The following SYCP1 variants were observed in gnomAD, a reference collection of about 807,000 sequenced individuals.
SYCP1 encodes cancer/testis antigen 8.
Under a neutral mutation model 153.1 loss-of-function variants are expected in SYCP1, and 64 were observed. The observed-to-expected ratio is 0.42, with a 90% CI of 0.34 to 0.51. The LOEUF (loss-of-function observed/expected upper bound fraction) is 0.51. Ranked by LOEUF, SYCP1 falls within the 20% of genes least tolerant of loss-of-function variation. SYCP1 has a pLI of 0.06. For missense variants in SYCP1, 997 were observed against 1,049.0 expected (o/e 0.95, Z 0.68); for synonymous variants, 384 against 341.8 (o/e 1.12, Z -1.36).
At chr1:114,950,801 A>G (rs1179494754) in intron 27 of SYCP1, among the ~76,000 whole-genome samples, 3 of 151,660 alleles carry the variant, frequency 2.0e-5, no homozygotes, top group Non-Finnish European at 2.9e-5. Context: ...ACATATATAC[A>G]TAATTATGTT....
intron 6 of SYCP1, among the ~76,000 whole-genome samples, chr1:114,859,058 A>C (rs1664201428): frequency 6.6e-6 from 1 of 152,112 alleles, no homozygotes; most frequent in Non-Finnish European, 1.5e-5. Context: ...TGTAGGTAAC[A>C]CTTTAAATTT....
Position 114,944,382 on chromosome 1 carries a change from T to G in SYCP1, c.1970T>G (p.Phe657Cys). ...ELELESAKQKFGEITDTYQKE... is the reference protein window; with the variant it reads ...ELELESAKQKCGEITDTYQKE... ...GAACTAGAAAGTGCCAAACAGAAAT[T>G]TGGAGAAATCACAGACACCTATCAG... The change falls in exon 24 of 32, where the codon TTT (phenylalanine) becomes TGT (cysteine). Residue 657 changes from phenylalanine (F) to cysteine (C), a missense_variant. By Grantham distance (205) the Phe-to-Cys change is radical. Coordinates refer to ENST00000369522, the MANE Select transcript of SYCP1 (RefSeq NM_003176.4). 6.2e-7 allele frequency: 1 copy of G among 1,606,468 alleles called. No individual in the cohort carries two copies. Among genetic ancestry groups the G allele is most frequent in the African/African-American group, 1.3e-5 (1 of 74,654 alleles).
intron 29 of SYCP1, among the ~76,000 whole-genome samples, chr1:114,984,372 TA>T (rs1484616321): frequency 6.6e-6 from 1 of 152,128 alleles, no homozygotes; most frequent in African/African-American, 2.4e-5. Flanking sequence ...CTCACTCAGT[TA>T]TTTTTTTCGA....
intron 12 of SYCP1, 125 bp from the exon 13 acceptor site, chr1:114,885,410 A>G (rs1262456563): frequency 3.6e-6 from 2 of 554,052 alleles, no homozygotes; most frequent in South Asian, 2.3e-5. Context: ...CTATATTTGC[A>G]TATTTTCTTC....
intron 20 of SYCP1, 92 bp downstream of exon 20, chr1:114,914,137 C>T: frequency 1.1e-6 from 1 of 928,332 alleles, no homozygotes; most frequent in Non-Finnish European, 1.6e-6. Context: ...AATTGGACTG[C>T]TGTTGAATAT....
chr1:114,985,796 A>G (rs1175123631), intron 30 of SYCP1, among the ~76,000 whole-genome samples: 1 of 151,864 alleles, frequency 6.6e-6, no homozygotes, highest in African/African-American at 2.4e-5. Context: ...ACTTTATACA[A>G]CGAAGATTAC....
intron 10 of SYCP1, 49 bp from the exon 11 acceptor site, chr1:114,876,688 T>A (rs920904238): frequency 4.1e-6 from 4 of 981,788 alleles, no homozygotes; most frequent in Non-Finnish European, 5.6e-6. Flanking sequence ...AATAGAAATG[T>A]TATAAAATTA....
chr1:114,969,296 A>G (rs1405263916), intron 27 of SYCP1, among the ~76,000 whole-genome samples: 4 of 152,076 alleles, frequency 2.6e-5, no homozygotes, highest in Non-Finnish European at 5.9e-5. Context: ...CCCTTCCCCC[A>G]GGTGCTTTGT....
intron 27 of SYCP1, among the ~76,000 whole-genome samples, chr1:114,953,519 A>G (rs527933008): frequency 7.6e-4 from 115 of 152,284 alleles, no homozygotes; most frequent in South Asian, 2.1e-3. Flanking sequence ...TTTTTTGCCT[A>G]TGGATCTCAG....
chr1:114,931,624 G>A (rs974875532), intron 23 of SYCP1, among the ~76,000 whole-genome samples: 1 of 152,118 alleles, frequency 6.6e-6, no homozygotes, highest in African/African-American at 2.4e-5. Context: ...CTGATTGGAT[G>A]TTTTAATGTT....
At chr1:114,929,395 G>A (rs1228712387) in intron 23 of SYCP1, among the ~76,000 whole-genome samples, 1 of 151,564 alleles carries the variant, frequency 6.6e-6, no homozygotes, top group Admixed American at 6.6e-5. Context: ...TTAATAAAAA[G>A]GCAGAAATGG....
Position 114,970,052 on chromosome 1 carries a change from G to A in SYCP1, c.2323-7505G>A, listed in dbSNP as rs111523145. Among the ~76,000 whole-genome samples the A allele has an allele frequency of 3.0e-3, 456 of 152,268 alleles. 1 individual carries two copies. Among genetic ancestry groups the A allele is most frequent in the Middle Eastern group, 6.8e-3 (2 of 294 alleles). ...CAGAAATCACCCACCTTCTGCATTG[G>A]TCTCACTGGGAGCTGCAGACCAGAT... On this transcript the variant is annotated intron_variant, in intron 27 of 31. Coordinates refer to ENST00000369522, the MANE Select transcript of SYCP1 (RefSeq NM_003176.4).
At chr1:114,962,622 C>T (rs1465115246) in intron 27 of SYCP1, among the ~76,000 whole-genome samples, 1 of 152,056 alleles carries the variant, frequency 6.6e-6, no homozygotes, top group Non-Finnish European at 1.5e-5. Context: ...ATATATTCTG[C>T]CATTCTGTAT....
chr1:114,939,469 A>G (rs1670246582), intron 23 of SYCP1, among the ~76,000 whole-genome samples: 2 of 152,216 alleles, frequency 1.3e-5, no homozygotes, highest in Admixed American at 1.3e-4. Flanking sequence ...AGAAGTAAAA[A>G]AGACCTACTG....
chr1:114,895,400 A>G (rs879293114), intron 15 of SYCP1, 48 bp from the exon 16 acceptor site: 18 of 1,250,390 alleles, frequency 1.4e-5, no homozygotes, highest in Non-Finnish European at 1.9e-5. Flanking sequence ...CTCTTTTCCT[A>G]TTCTTTTAAT....
intron 3 of SYCP1, among the ~76,000 whole-genome samples, chr1:114,856,921 CAAAAA>C (rs758650224): frequency 2.1e-4 from 8 of 37,294 alleles, no homozygotes; most frequent in Admixed American, 1.3e-3. Flanking sequence ...CCTGTCTGTA[CAAAAA>C]AAAAAAAAAA....
chr1:114,946,278 G>A lies in SYCP1; in HGVS notation c.2155-11G>A, dbSNP rs1050219547. The A allele has an allele frequency of 2.0e-6, 3 of 1,494,060 alleles. No individual in the cohort carries two copies. Among genetic ancestry groups the A allele is most frequent in the African/African-American group, 1.5e-5 (1 of 68,704 alleles). 92.6% of individuals were successfully genotyped at this position (1,494,060 alleles called of 1,614,324 possible). ...TTAATATATCTAAAATGTCTTCTTT[G>A]TTTAATATAGCACCAATATGATAAG... is the stretch of plus-strand genomic sequence containing the variant. On this transcript the variant is annotated splice_polypyrimidine_tract_variant and intron_variant, in intron 25 of 31. Coordinates refer to ENST00000369522, the MANE Select transcript of SYCP1 (RefSeq NM_003176.4).
Position 114,981,401 on chromosome 1 carries a change from T to G in SYCP1, c.2448T>G (p.Pro816=), listed in dbSNP as rs1178556189. 5.0e-6 allele frequency: 8 copies of G among 1,609,290 alleles called. No individual in the cohort carries two copies. In the South Asian group the frequency reaches 8.9e-5, roughly 18 times the overall value. Residue 816 remains proline (P), a synonymous_variant, in exon 29 of 32, where the codon CCT becomes CCG. Coordinates refer to ENST00000369522, the MANE Select transcript of SYCP1 (RefSeq NM_003176.4). ...IYWKLDSKAV[P]SQTVSRNFTS... Reference sequence around the variant, plus strand: ...GGAAATTGGATTCTAAAGCAGTTCCTTCACAAACTGTATCTCGAAATTTCA... The same window carrying G: ...GGAAATTGGATTCTAAAGCAGTTCCGTCACAAACTGTATCTCGAAATTTCA...
At chr1:114,967,862 T>C (rs1359453202) in intron 27 of SYCP1, among the ~76,000 whole-genome samples, 1 of 152,200 alleles carries the variant, frequency 6.6e-6, no homozygotes, top group East Asian at 1.9e-4. Context: ...CAGGAGCTCT[T>C]GTAAGGCAGG....
Sources: gnomAD v4.1 joint callset for allele counts (sites outside exome capture counted in the v4.1 genomes callset) on GRCh38, gnomAD v4.1.1 for gene constraint, MANE v1.5 for transcripts, NCBI Gene and HGNC (gene_info 2026-07-23, HGNC 2026-07-21) for gene names.